Variants in OR2M4 observed in about 807,000 individuals in gnomAD.
The protein encoded by OR2M4 is olfactory receptor family 2 subfamily M member 4.
In OR2M4, 8 loss-of-function variants were observed where a neutral mutation model predicts 13.7. That is an observed-to-expected ratio of 0.58 (90% CI 0.34 to 1.05). The LOEUF (loss-of-function observed/expected upper bound fraction) is 1.05. OR2M4 is among the 50% of genes least tolerant of loss of function. The pLI is 0.02. For synonymous variants in OR2M4, 152 were observed against 141.3 expected (o/e 1.08, Z -0.53); for missense variants, 374 against 381.6 (o/e 0.98, Z 0.17).
rs1028617604 is a variant in OR2M4, at chr1:248,239,076, T to C, written c.148T>C (p.Tyr50His). The C allele has an allele frequency of 1.9e-6, 3 of 1,613,960 alleles. No homozygotes were observed. The African/African-American group carries it at 4.0e-5, about 22-fold the overall frequency. ...AAATATTTCCATGGTTCTCCTCATC[T>C]ACATAGAGAAACAGCTCCACACCCC... is the stretch of plus-strand genomic sequence containing the variant. ...MENISMVLLI[Y>H]IEKQLHTPMY... is the part of the protein sequence containing the mutation. The change falls in exon 2 of 2, where the codon TAC (tyrosine) becomes CAC (histidine). Residue 50 changes from tyrosine (Y) to histidine (H), a missense_variant. Transcript: ENST00000641868.
rs1384828000 is a variant in OR2M4, at chr1:248,242,959, G to T, written c.*3095G>T. ...TTTTTAATTTATATGTTAAATTTTT[G>T]AATTTGATGTTAATAATACCGACTT... On this transcript the variant is annotated 3_prime_UTR_variant, in exon 2 of 2. Coordinates refer to ENST00000641868, the MANE Select transcript of OR2M4 (RefSeq NM_017504.2). 6.6e-6 allele frequency: 1 copy of T among 152,030 alleles called. No homozygotes were observed. Among genetic ancestry groups the T allele is most frequent in the African/African-American group, 2.4e-5 (1 of 41,382 alleles). The allele number at this position is 152,030 out of a possible 1,614,324, so 9.4% of individuals were successfully genotyped here. A position where few individuals can be genotyped will look rare whatever the true frequency, so the allele number is the denominator to read the frequency against.
intron 1 of OR2M4, among the ~76,000 whole-genome samples, chr1:248,236,172 C>T (rs1666554540): frequency 6.6e-6 from 1 of 152,056 alleles, no homozygotes; most frequent in South Asian, 2.1e-4. Flanking sequence ...TAAAGCACTC[C>T]TCAACAAATG....
rs554346126 is a variant in OR2M4 at position 248,239,003 on chromosome 1, C to A, written c.75C>A (p.Thr25=). 2 of 1,613,878 alleles carry A rather than the reference C, an allele frequency of 1.2e-6. No individual in the cohort carries two copies. The highest frequency in any genetic ancestry group is 2.2e-5 in the South Asian group (2 of 91,068). Residue 25 remains threonine, a synonymous_variant, in exon 2 of 2, where the codon ACC becomes ACA. Coordinates refer to ENST00000641868, the MANE Select transcript of OR2M4 (RefSeq NM_017504.2). ...TCTTCAATCACAGTCCCACCCACAC[C>A]TTCCTTTTTTCTCTGGTCCTGGGCA... The part of the protein sequence containing the change: ...LGIFNHSPTH[T]FLFSLVLGIF...
In OR2M4 at chr1:248,241,305, C is replaced by G. The variant is rs1666617218; in HGVS notation, c.*1441C>G. The G allele has an allele frequency of 6.6e-6, 1 of 152,136 alleles. No homozygotes were observed. Among genetic ancestry groups the G allele is most frequent in the Non-Finnish European group, 1.5e-5 (1 of 68,040 alleles). 9.4% of individuals were successfully genotyped at this position (152,136 alleles called of 1,614,324 possible). A position where few individuals can be genotyped will look rare whatever the true frequency, so the allele number is the denominator to read the frequency against. ...CCAGTTTAGCCACAGCAAGAAAATG[C>G]ACTCGTCAAAGCTGTGAGGCCCTTA... On this transcript the variant is annotated 3_prime_UTR_variant, in exon 2 of 2. Coordinates refer to ENST00000641868, the MANE Select transcript of OR2M4 (RefSeq NM_017504.2).
chr1:248,234,278 TA>T (rs935764264), intron 1 of OR2M4, among the ~76,000 whole-genome samples: 7 of 147,078 alleles, frequency 4.8e-5, no homozygotes, highest in Admixed American at 3.3e-4. Flanking sequence ...CTGAGTCAAA[TA>T]TTTTTTTTTT....
In OR2M4 at chr1:248,238,069, CTGATT is replaced by C. The variant is rs1440243512; in HGVS notation, c.-19-836_-19-832del. On this transcript the variant is annotated intron_variant, in intron 1 of 1. Transcript: ENST00000641868. ...TGAGGTGATGGTCACACTAAATACC[CTGATT>C]TGATCATTATGCAAAATATATGTTT... 7.2e-5 allele frequency among the ~76,000 whole-genome samples: 11 copies of C among 152,218 alleles called. No individual in the cohort carries two copies. In the East Asian group the frequency reaches 1.5e-3, roughly 21 times the overall value.
In OR2M4 at chr1:248,243,344, CGGCCACTT is replaced by C. The variant is rs1356298466; in HGVS notation, c.*3484_*3491del. On this transcript the variant is annotated 3_prime_UTR_variant, in exon 2 of 2. Coordinates refer to ENST00000641868, the MANE Select transcript of OR2M4 (RefSeq NM_017504.2). The stretch of plus-strand genomic sequence containing the variant: ...TAATGCCCGTAGAGAGGCTCTTGAT[CGGCCACTT>C]GGCTCTTTCGTGTTTCCTGGCATTC... 6.6e-6 allele frequency: 1 copy of C among 152,056 alleles called. No homozygotes were observed. Among genetic ancestry groups the C allele is most frequent in the Non-Finnish European group, 1.5e-5 (1 of 68,030 alleles). The allele number at this position is 152,056 out of a possible 1,614,324, so 9.4% of individuals were successfully genotyped here. A position where few individuals can be genotyped will look rare whatever the true frequency, so the allele number is the denominator to read the frequency against.
intron 1 of OR2M4, among the ~76,000 whole-genome samples, chr1:248,236,771 A>G (rs1666561099): frequency 6.6e-6 from 1 of 152,206 alleles, no homozygotes; most frequent in East Asian, 1.9e-4. Context: ...CTACCATCTG[A>G]GAATACTATT....
chr1:248,233,394 C>T (rs1330063054), intron 1 of OR2M4, among the ~76,000 whole-genome samples: 2 of 151,964 alleles, frequency 1.3e-5, no homozygotes, highest in Non-Finnish European at 2.9e-5. Context: ...GGAAAGCTTG[C>T]TATATGTCTA....
chr1:248,244,553 G>A lies in OR2M4; in HGVS notation c.*4689G>A, dbSNP rs1666647817. 6.6e-6 allele frequency: 1 copy of A among 152,172 alleles called. No homozygotes were observed. Among genetic ancestry groups the A allele is most frequent in the South Asian group, 2.1e-4 (1 of 4,830 alleles). The allele number at this position is 152,172 out of a possible 1,614,324, so 9.4% of individuals were successfully genotyped here. Reference sequence around the variant, plus strand: ...TGGACTACCAAATGGGGAAGGAAGGGAGGGGAGTGTGGGTTGCAAAACTAC... The same window carrying A: ...TGGACTACCAAATGGGGAAGGAAGGAAGGGGAGTGTGGGTTGCAAAACTAC... On this transcript the variant is annotated 3_prime_UTR_variant, in exon 2 of 2. Transcript: ENST00000641868.
rs1476935619 is a variant in OR2M4, at chr1:248,243,490, A to G, written c.*3626A>G. On this transcript the variant is annotated 3_prime_UTR_variant, in exon 2 of 2. Transcript: ENST00000641868. ...GCACTTCGCCTGCATTTCTTTTATT[A>G]GATGTTTCGGGCTACAGCCCTCCCT... The G allele has an allele frequency of 6.6e-6, 1 of 152,168 alleles. No homozygotes were observed. The highest frequency in any genetic ancestry group is 2.4e-5 in the African/African-American group (1 of 41,412). 9.4% of individuals were successfully genotyped at this position (152,168 alleles called of 1,614,324 possible). A position where few individuals can be genotyped will look rare whatever the true frequency, so the allele number is the denominator to read the frequency against.
At position 248,239,800 on chromosome 1, in the gene OR2M4, GC is replaced by G; in HGVS notation, c.874del (p.Leu292SerfsTer14). On this transcript the variant is annotated frameshift_variant, in exon 2 of 2. Coordinates refer to ENST00000641868, the MANE Select transcript of OR2M4 (RefSeq NM_017504.2). LOFTEE classifies it high-confidence loss of function. ...LTPMLNPLIY[S>X]LRNKEVFRAL... ...CCTATGCTGAACCCTCTCATTTATA[GC>G]CTCCGCAACAAAGAAGTGTTCAGGG... 1 of 1,614,020 alleles carries G rather than the reference GC, an allele frequency of 6.2e-7. No individual in the cohort carries two copies. The highest frequency in any genetic ancestry group is 2.2e-5 in the East Asian group (1 of 44,870).
intron 1 of OR2M4, among the ~76,000 whole-genome samples, chr1:248,236,845 C>T (rs1304479714): frequency 2.0e-5 from 3 of 152,068 alleles, no homozygotes; most frequent in Admixed American, 2.0e-4. Flanking sequence ...ACACATACTC[C>T]CTCCTAAGAC....
chr1:248,239,051 A>G lies in OR2M4; in HGVS notation c.123A>G (p.Glu41=), dbSNP rs1666586625. The G allele has an allele frequency of 6.2e-7, 1 of 1,613,844 alleles. No homozygotes were observed. The highest frequency in any genetic ancestry group is 8.5e-7 in the Non-Finnish European group (1 of 1,179,958). The change falls in exon 2 of 2, where the codon GAA becomes GAG. Residue 41 remains glutamate (E), a synonymous_variant. Transcript: ENST00000641868. ...VLGIFSLALM[E]NISMVLLIYI... ...GCATCTTCTCACTGGCATTGATGGAAAATATTTCCATGGTTCTCCTCATCT... is the reference window on the plus strand; with the variant it reads ...GCATCTTCTCACTGGCATTGATGGAGAATATTTCCATGGTTCTCCTCATCT...
Position 248,239,232 on chromosome 1 carries a change from T to G in OR2M4, c.304T>G (p.Phe102Val). Residue 102 changes from phenylalanine to valine, a missense_variant, in exon 2 of 2, where the codon TTC becomes GTC. Transcript: ENST00000641868. Reference protein sequence around the residue: ...ISLAGCGTQIFFYVSLLGAEC... With the variant: ...ISLAGCGTQIVFYVSLLGAEC... ...TCTGGCAGGTTGTGGAACTCAGATA[T>G]TCTTCTATGTGTCCCTGCTTGGAGC... is the stretch of plus-strand genomic sequence containing the variant. 6.2e-7 allele frequency: 1 copy of G among 1,614,168 alleles called. No homozygotes were observed. Among genetic ancestry groups the G allele is most frequent in the Non-Finnish European group, 8.5e-7 (1 of 1,180,014 alleles).
In OR2M4 at chr1:248,240,182, A is replaced by G. The variant is rs1666604441; in HGVS notation, c.*318A>G. 5.5e-6 allele frequency: 1 copy of G among 180,192 alleles called. No homozygotes were observed. Among genetic ancestry groups the G allele is most frequent in the Non-Finnish European group, 1.1e-5 (1 of 87,160 alleles). The allele number at this position is 180,192 out of a possible 1,614,324, so 11.2% of individuals were successfully genotyped here. A position where few individuals can be genotyped will look rare whatever the true frequency, so the allele number is the denominator to read the frequency against. Reference sequence around the variant, plus strand: ...AGGGTCTTAGCTGTATCAAAAAGCAAAGGTTGGAGTTGATCCTCTGTTTTT... The same window carrying G: ...AGGGTCTTAGCTGTATCAAAAAGCAGAGGTTGGAGTTGATCCTCTGTTTTT... On this transcript the variant is annotated 3_prime_UTR_variant, in exon 2 of 2. Transcript: ENST00000641868.
intron 1 of OR2M4, among the ~76,000 whole-genome samples, chr1:248,238,336 A>G (rs1351534158): frequency 6.6e-6 from 1 of 152,170 alleles, no homozygotes; most frequent in Non-Finnish European, 1.5e-5. Flanking sequence ...ACTTGGTCTG[A>G]GATAGAAAAG....
intron 1 of OR2M4, 128 bp downstream of exon 1, chr1:248,231,708 G>A (rs1666507200): frequency 6.6e-6 from 1 of 152,032 alleles, no homozygotes; most frequent in Non-Finnish European, 1.5e-5. Context: ...ACACTATACA[G>A]AATCACACAA....
In OR2M4 at chr1:248,240,782, C is replaced by T. The variant is rs925487406; in HGVS notation, c.*918C>T. 6.6e-6 allele frequency: 1 copy of T among 152,282 alleles called. No homozygotes were observed. The highest frequency in any genetic ancestry group is 2.4e-5 in the African/African-American group (1 of 41,446). The allele number at this position is 152,282 out of a possible 1,614,324, so 9.4% of individuals were successfully genotyped here. On this transcript the variant is annotated 3_prime_UTR_variant, in exon 2 of 2. Coordinates refer to ENST00000641868, the MANE Select transcript of OR2M4 (RefSeq NM_017504.2). ...AGACAATGCCACCCCTCTCTCACCA[C>T]TGACAGAAGGAACAGTGTGCTAAGA...
Sources: allele counts gnomAD v4.1 joint callset (sites outside exome capture counted in the v4.1 genomes callset), GRCh38; gene constraint gnomAD v4.1.1; transcripts MANE v1.5; gene names NCBI Gene and HGNC (gene_info 2026-07-23, HGNC 2026-07-21).